The following CEP170 variants were observed in gnomAD, a reference collection of about 807,000 sequenced individuals.
CEP170 encodes the protein centrosomal protein 170, also known as centrosomal protein of 170 kDa.
In CEP170, 21 loss-of-function variants were observed where a neutral mutation model predicts 151.9. The observed-to-expected ratio is 0.14, with a 90% CI of 0.10 to 0.20. CEP170 has a LOEUF of 0.20. CEP170 is among the 10% of genes least tolerant of loss of function. The pLI, the probability that CEP170 is intolerant of heterozygous loss-of-function variation, is 1.00. For synonymous variants in CEP170, 356 were observed against 648.8 expected (o/e 0.55, Z 6.86); for missense variants, 964 against 1,892.9 (o/e 0.51, Z 9.11).
intron 10 of CEP170, among the ~76,000 whole-genome samples, chr1:243,176,454 T>C (rs2059260905): frequency 7.5e-6 from 1 of 133,672 alleles, no homozygotes; most frequent in South Asian, 2.7e-4. Flanking sequence ...TCACATATTC[T>C]CTCCTACAGT....
At position 243,144,814 on chromosome 1, in the gene CEP170, C is replaced by A. The variant is rs1416120942; in HGVS notation, c.3912-2351G>T. On this transcript the variant is annotated intron_variant, in intron 14 of 19. Coordinates refer to ENST00000366542, the MANE Select transcript of CEP170 (RefSeq NM_014812.3). The stretch of plus-strand genomic sequence containing the variant: ...TTTCACATTTAATTCCATTTTATTA[C>A]AAAATATGGATAAGAAAATAGTGCT... Among the ~76,000 whole-genome samples, 4 of 152,134 alleles carry A rather than the reference C, an allele frequency of 2.6e-5. No homozygotes were observed. The East Asian group carries it at 7.7e-4, about 29-fold the overall frequency.
At chr1:243,209,778 C>T (rs149541265) in intron 4 of CEP170, among the ~76,000 whole-genome samples, 4,003 of 151,756 alleles carry the variant, frequency 0.026, 83 homozygotes, top group Non-Finnish European at 0.039. Flanking sequence ...CTCCCGGGTT[C>T]ACACCATTCT....
intron 13 of CEP170, among the ~76,000 whole-genome samples, chr1:243,161,048 C>T (rs996745682): frequency 1.4e-4 from 21 of 149,544 alleles, no homozygotes; most frequent in Non-Finnish European, 3.0e-4. Context: ...GGAGACTGGG[C>T]GCAGTGGCTC....
chr1:243,178,919 C>T (rs1163270666), intron 10 of CEP170, among the ~76,000 whole-genome samples: 6 of 152,086 alleles, frequency 3.9e-5, no homozygotes, highest in South Asian at 2.1e-4. Context: ...GGGGTTTCAC[C>T]GTGTTAGCCA....
intron 1 of CEP170, among the ~76,000 whole-genome samples, chr1:243,252,318 T>G (rs1662353663): frequency 6.6e-6 from 1 of 152,138 alleles, no homozygotes; most frequent in Admixed American, 6.5e-5. Flanking sequence ...TTGGGACAGA[T>G]AAGAAAGAAA....
At chr1:243,147,117 T>A (rs1379897448) in intron 14 of CEP170, among the ~76,000 whole-genome samples, 2 of 152,216 alleles carry the variant, frequency 1.3e-5, no homozygotes, top group African/African-American at 4.8e-5. Flanking sequence ...CTACACTGCC[T>A]ACAAATAAAA....
chr1:243,221,623 G>C, intron 3 of CEP170, 101 bp downstream of exon 3: 1 of 1,210,416 alleles, frequency 8.3e-7, no homozygotes, highest in East Asian at 2.6e-5. Flanking sequence ...AACATACAAA[G>C]TAAAGAAAAA....
chr1:243,239,607 T>C (rs2064620637), intron 1 of CEP170, among the ~76,000 whole-genome samples: 1 of 152,224 alleles, frequency 6.6e-6, no homozygotes, highest in East Asian at 1.9e-4. Flanking sequence ...TTGTATTCCA[T>C]GTCCAACTGA....
chr1:243,165,039 T>C lies in CEP170; in HGVS notation c.2921A>G (p.Lys974Arg). Reference protein sequence around the residue: ...KDRCSTGSPSKDVTKSSSSGA... With the variant: ...KDRCSTGSPSRDVTKSSSSGA... ...TGAAGATGATGATTTTGTAACATCT[T>C]TGGAAGGAGAACCTGTGGAACACCT... The change falls in exon 13 of 20, where the codon AAA becomes AGA. Residue 974 changes from lysine to arginine, a missense_variant. Coordinates refer to ENST00000366542, the MANE Select transcript of CEP170 (RefSeq NM_014812.3). The C allele has an allele frequency of 6.2e-7, 1 of 1,612,344 alleles. No individual in the cohort carries two copies. Among genetic ancestry groups the C allele is most frequent in the Non-Finnish European group, 8.5e-7 (1 of 1,178,824 alleles).
At chr1:243,245,491 G>C (rs1000529916) in intron 1 of CEP170, among the ~76,000 whole-genome samples, 2 of 152,022 alleles carry the variant, frequency 1.3e-5, no homozygotes, top group Non-Finnish European at 2.9e-5. Flanking sequence ...CAAGGTGAGC[G>C]GATCACGAGG....
At chr1:243,216,475 A>T (rs1030016708) in intron 3 of CEP170, among the ~76,000 whole-genome samples, 52 of 150,492 alleles carry the variant, frequency 3.5e-4, no homozygotes, top group African/African-American at 1.3e-3. Flanking sequence ...TGCTTTTATC[A>T]TCTTCTATTT....
intron 18 of CEP170, 69 bp from the exon 19 acceptor site, chr1:243,128,369 T>C (rs1413057397): frequency 7.4e-7 from 1 of 1,353,224 alleles, no homozygotes; most frequent in Non-Finnish European, 1.0e-6. Context: ...AAGCAATGAA[T>C]TTCACTCTCA....
chr1:243,203,758 C>A (rs2061222139), intron 4 of CEP170, among the ~76,000 whole-genome samples: 1 of 151,912 alleles, frequency 6.6e-6, no homozygotes, highest in Non-Finnish European at 1.5e-5. Context: ...CTTTTCATTA[C>A]AAATATGGAA....
intron 14 of CEP170, among the ~76,000 whole-genome samples, chr1:243,152,153 C>T (rs1268157149): frequency 4.6e-5 from 7 of 152,010 alleles, no homozygotes; most frequent in South Asian, 2.1e-4. Context: ...GAGATGTACA[C>T]GGTGATTAAT....
intron 12 of CEP170, chr1:243,168,516 C>A (rs1377220815): frequency 6.6e-6 from 1 of 151,758 alleles, no homozygotes; most frequent in African/African-American, 2.4e-5. Flanking sequence ...ACCATAAATA[C>A]AATGTGAAAT....
intron 5 of CEP170, 36 bp downstream of exon 5, chr1:243,200,741 G>C (rs1220182205): frequency 1.7e-5 from 27 of 1,609,108 alleles, no homozygotes; most frequent in Non-Finnish European, 2.2e-5. Context: ...ATAGTGAAGA[G>C]TAGATTTGCA....
intron 14 of CEP170, among the ~76,000 whole-genome samples, chr1:243,144,380 A>C (rs2056222825): frequency 1.3e-5 from 2 of 152,318 alleles, no homozygotes; most frequent in South Asian, 4.1e-4. Context: ...TCTTTTCACT[A>C]TGTCATGCTA....
chr1:243,215,094 G>C (rs2062147563), intron 3 of CEP170, among the ~76,000 whole-genome samples: 3 of 152,112 alleles, frequency 2.0e-5, no homozygotes, highest in Admixed American at 2.0e-4. Flanking sequence ...CATAAATTGT[G>C]AAGATTTCAT....
chr1:243,157,836 T>C (rs2057698443), intron 13 of CEP170, among the ~76,000 whole-genome samples: 1 of 152,182 alleles, frequency 6.6e-6, no homozygotes, highest in Non-Finnish European at 1.5e-5. Context: ...TTAGAGCCTA[T>C]CGATTCGTCC....
Sources: allele counts gnomAD v4.1 joint callset (sites outside exome capture counted in the v4.1 genomes callset), GRCh38; gene constraint gnomAD v4.1.1; transcripts MANE v1.5; gene names NCBI Gene and HGNC (gene_info 2026-07-23, HGNC 2026-07-21).